Variants in GALK2 observed in about 807,000 individuals in gnomAD.
GALK2 encodes galactokinase 2.
Under a neutral mutation model 52.4 loss-of-function variants are expected in GALK2, and 36 were observed. The ratio of observed to expected loss-of-function variants is 0.69; its 90% CI spans 0.53 to 0.91. The LOEUF is 0.91. GALK2 is among the 40% of genes least tolerant of loss of function. GALK2 has a pLI of 0.00. For synonymous variants in GALK2, 176 were observed against 199.1 expected, an observed-to-expected ratio of 0.88 and a Z score of 0.98; for missense variants, 579 against 559.1, an observed-to-expected ratio of 1.04 and a Z score of -0.36.
chr15:49,209,252 C>T (rs1004942781), intron 2 of GALK2, among the ~76,000 whole-genome samples: 50 of 152,126 alleles, frequency 3.3e-4, no homozygotes, highest in African/African-American at 1.1e-3. Context: ...GGTTTTTCTA[C>T]GTATAAGATC....
intron 3 of GALK2, among the ~76,000 whole-genome samples, chr15:49,233,499 C>A (rs77376182): frequency 0.016 from 2,410 of 152,336 alleles, 32 homozygotes; most frequent in Non-Finnish European, 0.025. Context: ...AACTATCCTC[C>A]TCTTTTTCTC....
chr15:49,247,703 G>C (rs1413787832), intron 5 of GALK2, among the ~76,000 whole-genome samples: 1 of 152,200 alleles, frequency 6.6e-6, no homozygotes, highest in Non-Finnish European at 1.5e-5. Flanking sequence ...AGCACTGGGA[G>C]GGGCCCAAGG....
At chr15:49,230,326 G>C (rs76453129) in intron 3 of GALK2, among the ~76,000 whole-genome samples, 1 of 152,190 alleles carries the variant, frequency 6.6e-6, no homozygotes, top group Non-Finnish European at 1.5e-5. Flanking sequence ...CCTATGGCTA[G>C]GATTGCAGGA....
chr15:49,198,236 G>A (rs1258733650), intron 1 of GALK2, among the ~76,000 whole-genome samples: 3 of 151,944 alleles, frequency 2.0e-5, no homozygotes, highest in Non-Finnish European at 4.4e-5. Flanking sequence ...GTGCAATGGC[G>A]CGGCCTCTGC....
chr15:49,360,609 C>G (rs9888727), intron 3 of GALK2, among the ~76,000 whole-genome samples: 3 of 152,120 alleles, frequency 2.0e-5, no homozygotes, highest in Non-Finnish European at 4.4e-5. Flanking sequence ...GCTCTAAATA[C>G]ATTTTATCCA....
intron 9 of GALK2, among the ~76,000 whole-genome samples, chr15:49,325,079 G>T (rs1189432790): frequency 6.6e-6 from 1 of 152,114 alleles, no homozygotes; most frequent in Non-Finnish European, 1.5e-5. Context: ...TTGCAACTTA[G>T]TAAGTGCTTT....
intron 5 of GALK2, among the ~76,000 whole-genome samples, chr15:49,243,130 G>C (rs1281001331): frequency 1.3e-5 from 2 of 152,058 alleles, no homozygotes; most frequent in African/African-American, 4.8e-5. Context: ...TAATATGGTG[G>C]GTGGGGATTT....
At chr15:49,188,514 G>A (rs1274362427) in intron 1 of GALK2, among the ~76,000 whole-genome samples, 1 of 152,348 alleles carries the variant, frequency 6.6e-6, no homozygotes, top group East Asian at 1.9e-4. Flanking sequence ...TAAGAGAGTG[G>A]TGGTGTCAAT....
chr15:49,343,305 G>T (rs1225608604), intron 3 of GALK2, among the ~76,000 whole-genome samples: 1 of 151,754 alleles, frequency 6.6e-6, no homozygotes, highest in Admixed American at 6.6e-5. Flanking sequence ...CTTCTGCTTG[G>T]AACAGTCTAT....
rs962986833 is a variant in GALK2 at position 49,273,190 on chromosome 15, A to ATGAGTGCTTAATGCAAACTC, written c.505-8774_505-8755dup. ...AAAACAAGCTATGTGTGAAAAAAGCATGAGTGCTTAATGCAAACTCTGAGT... is the reference window on the plus strand; with the variant it reads ...AAAACAAGCTATGTGTGAAAAAAGCATGAGTGCTTAATGCAAACTCTGAGTGCTTAATGCAAACTCTGAGT... On this transcript the variant is annotated intron_variant, in intron 5 of 9. Transcript: ENST00000560031. 1.1e-3 allele frequency among the ~76,000 whole-genome samples: 162 copies of ATGAGTGCTTAATGCAAACTC among 152,348 alleles called. 1 individual carries two copies. The highest frequency in any genetic ancestry group is 3.8e-3 in the African/African-American group (159 of 41,580).
intron 5 of GALK2, among the ~76,000 whole-genome samples, chr15:49,248,475 A>C (rs2091451896): frequency 6.6e-6 from 1 of 152,200 alleles, no homozygotes; most frequent in Non-Finnish European, 1.5e-5. Flanking sequence ...ACAAGCTTTG[A>C]AAAGAATCTC....
chr15:49,311,781 A>G (rs887396711), intron 8 of GALK2, among the ~76,000 whole-genome samples: 11 of 152,210 alleles, frequency 7.2e-5, no homozygotes, highest in Non-Finnish European at 1.5e-4. Flanking sequence ...GCGTTCTCCA[A>G]AGTCACTAAG....
At chr15:49,262,059 A>C (rs2092137408) in intron 5 of GALK2, among the ~76,000 whole-genome samples, 1 of 152,086 alleles carries the variant, frequency 6.6e-6, no homozygotes, top group African/African-American at 2.4e-5. Flanking sequence ...CCCGGCTTTG[A>C]CATCAGGATG....
chr15:49,156,755 G>A (rs2084469884), intron 1 of GALK2: 1 of 567,358 alleles, frequency 1.8e-6, no homozygotes, highest in South Asian at 1.5e-5. Context: ...ATATCATTTA[G>A]AACAGAAAGA....
In GALK2 at chr15:49,359,094, A is replaced by G. The variant is rs1419690532; in HGVS notation, c.427-8397A>G. ...CCTTATACAAAAATCAATTCAAGAT[A>G]GATTAAAGACTTAAACGTTAGACCT... On this transcript the variant is annotated intron_variant, in intron 3 of 3. Coordinates refer to the GALK2 transcript ENST00000558399. 3.6e-4 allele frequency among the ~76,000 whole-genome samples: 54 copies of G among 152,016 alleles called. No homozygotes were observed. The South Asian group carries it at 3.8e-3, about 11-fold the overall frequency.
rs201634876 is a variant in GALK2 at position 49,203,032 on chromosome 15, TTTTTA to T, written c.142+1800_142+1804del. 5.8e-3 allele frequency among the ~76,000 whole-genome samples: 876 copies of T among 152,212 alleles called. 4 individuals carry two copies. The highest frequency in any genetic ancestry group is 0.025 in the South Asian group (119 of 4,818). ...AATGTCTATTTAGATCATTTGCCAA[TTTTTA>T]TTTTATTTTATTTTATTAATTTATT... On this transcript the variant is annotated intron_variant, in intron 2 of 9. Coordinates refer to ENST00000560031, the MANE Select transcript of GALK2 (RefSeq NM_002044.4).
intron 5 of GALK2, among the ~76,000 whole-genome samples, chr15:49,277,746 A>T (rs2032063239): frequency 6.6e-6 from 1 of 151,102 alleles, no homozygotes; most frequent in South Asian, 2.1e-4. Context: ...CAGTGAGCCG[A>T]GATTGAGCCA....
intron 7 of GALK2, among the ~76,000 whole-genome samples, chr15:49,287,183 C>A (rs940645396): frequency 6.6e-6 from 1 of 152,156 alleles, no homozygotes; most frequent in African/African-American, 2.4e-5. Flanking sequence ...AACTGCGTAA[C>A]CCCATATGCA....
At chr15:49,341,538 G>C (rs887917427) in intron 3 of GALK2, among the ~76,000 whole-genome samples, 1 of 152,100 alleles carries the variant, frequency 6.6e-6, no homozygotes, top group Non-Finnish European at 1.5e-5. Flanking sequence ...TTTTAGTAGA[G>C]ATGAGGTTTC....
Sources: allele counts gnomAD v4.1 joint callset (sites outside exome capture counted in the v4.1 genomes callset), GRCh38; gene constraint gnomAD v4.1.1; transcripts MANE v1.5; gene names NCBI Gene and HGNC (gene_info 2026-07-23, HGNC 2026-07-21).